The following TMEM64 variants were observed in gnomAD, a reference collection of about 807,000 sequenced individuals.
TMEM64 encodes the protein transmembrane protein 64.
Under a neutral mutation model 24.5 loss-of-function variants are expected in TMEM64, and 19 were observed. The observed-to-expected ratio is 0.78, with a 90% CI of 0.54 to 1.14. TMEM64 has a LOEUF of 1.14. Among genes scored for constraint, TMEM64 ranks in the 50% most tolerant of loss-of-function variants. The probability of loss-of-function intolerance (pLI) is 0.00; values close to 1 mark genes in which losing one functional copy is unlikely to be tolerated. For synonymous variants in TMEM64, 262 were observed against 224.7 expected (o/e 1.17, Z -1.49); for missense variants, 487 against 493.0 (o/e 0.99, Z 0.12).
intron 1 of TMEM64, among the ~76,000 whole-genome samples, chr8:90,636,237 C>T (rs1352203503): frequency 6.6e-6 from 1 of 152,150 alleles, no homozygotes; most frequent in Non-Finnish European, 1.5e-5. Flanking sequence ...ACAGCTTCCT[C>T]CAAACTATTT....
In TMEM64 at chr8:90,625,763, G is replaced by A; in HGVS notation, c.1051C>T (p.Leu351=). Residue 351 remains leucine (L), a synonymous_variant, in exon 3 of 3, where the codon CTG becomes TTG. Coordinates refer to ENST00000458549, the MANE Select transcript of TMEM64 (RefSeq NM_001008495.4). ...VACEMELKSS[L]VKGNQPNTSG... is the part of the protein sequence containing the mutation. The stretch of plus-strand genomic sequence containing the variant: ...GTATTTGGTTGATTGCCTTTAACCA[G>A]AGAAGATTTCAGTTCCATTTCACAA... 1.2e-6 allele frequency: 2 copies of A among 1,613,892 alleles called. No homozygotes were observed. The highest frequency in any genetic ancestry group is 1.7e-6 in the Non-Finnish European group (2 of 1,179,850).
At chr8:90,633,599 C>T (rs1307413922) in intron 1 of TMEM64, among the ~76,000 whole-genome samples, 2 of 152,164 alleles carry the variant, frequency 1.3e-5, no homozygotes, top group Non-Finnish European at 2.9e-5. Context: ...TAGTAAAAAA[C>T]TTATTTTCCA....
At chr8:90,639,834 T>C (rs569185056) in intron 1 of TMEM64, among the ~76,000 whole-genome samples, 2 of 152,204 alleles carry the variant, frequency 1.3e-5, no homozygotes, top group African/African-American at 2.4e-5. Flanking sequence ...AAACAAACAT[T>C]GTTAAAACAT....
chr8:90,632,602 G>A (rs1008205190), intron 1 of TMEM64, among the ~76,000 whole-genome samples: 1 of 152,214 alleles, frequency 6.6e-6, no homozygotes, highest in Non-Finnish European at 1.5e-5. Context: ...GATTATAGGC[G>A]TGAGCCAGCA....
Position 90,645,120 on chromosome 8 carries a change from T to G in TMEM64, c.786A>C (p.Ala262=). Reference sequence around the variant, plus strand: ...GCGGGACCCCACTTACCGAAAACACTGCATTCTGAAGCCCAAAAGGTATGG... The same window carrying G: ...GCGGGACCCCACTTACCGAAAACACGGCATTCTGAAGCCCAAAAGGTATGG... ...LTPIPFGLQN[A]VFSITDLSLP... The change falls in exon 1 of 3, where the codon GCA becomes GCC. Residue 262 remains alanine, a synonymous_variant. Transcript: ENST00000458549. The surrounding 1 kb of genome is among the most constrained non-coding windows in gnomAD (Gnocchi z 4.2). 1 of 1,605,304 alleles carries G rather than the reference T, an allele frequency of 6.2e-7. No individual in the cohort carries two copies.
rs1431616568 is a variant in TMEM64, at chr8:90,625,378, T to C, written c.*293A>G. On this transcript the variant is annotated 3_prime_UTR_variant, in exon 3 of 3. Transcript: ENST00000458549. ...ACACTAAGCAGAAATAATATTTGGGTTATTTCTCTGTTCGTAAATACACAG... is the reference window on the plus strand; with the variant it reads ...ACACTAAGCAGAAATAATATTTGGGCTATTTCTCTGTTCGTAAATACACAG... 3 of 235,960 alleles carry C rather than the reference T, an allele frequency of 1.3e-5. No homozygotes were observed. The highest frequency in any genetic ancestry group is 2.5e-5 in the Non-Finnish European group (3 of 122,200). 14.6% of individuals were successfully genotyped at this position (235,960 alleles called of 1,614,324 possible).
rs548832187 is a variant in TMEM64, at chr8:90,631,726, G to C, written c.796-19C>G. 1 of 1,598,910 alleles carries C rather than the reference G, an allele frequency of 6.3e-7. No homozygotes were observed. Among genetic ancestry groups the C allele is most frequent in the Non-Finnish European group, 8.6e-7 (1 of 1,168,304 alleles). ...CAGTAATCTAGAAGAGTAGATTAAA[G>C]GGAATGATTCATTACCAAGTAAAAT... is the stretch of plus-strand genomic sequence containing the variant. On this transcript the variant is annotated intron_variant, in intron 1 of 2. Transcript: ENST00000458549.
rs185791596 is a variant in TMEM64 at position 90,624,659 on chromosome 8, T to C, written c.*1012A>G. 4.6e-5 allele frequency: 7 copies of C among 152,612 alleles called. No homozygotes were observed. The highest frequency in any genetic ancestry group is 1.7e-4 in the African/African-American group (7 of 41,560). 9.5% of individuals were successfully genotyped at this position (152,612 alleles called of 1,614,324 possible). A position where few individuals can be genotyped will look rare whatever the true frequency, so the allele number is the denominator to read the frequency against. The stretch of plus-strand genomic sequence containing the variant: ...ACAAAATTTGGGCATATTTATAGTT[T>C]TAAAGCTGAAGACTATGGGAACAAT... On this transcript the variant is annotated 3_prime_UTR_variant, in exon 3 of 3. Transcript: ENST00000458549.
chr8:90,628,176 T>A (rs1156581652), intron 2 of TMEM64, among the ~76,000 whole-genome samples: 1 of 152,204 alleles, frequency 6.6e-6, no homozygotes, highest in Non-Finnish European at 1.5e-5. Flanking sequence ...AGTTTCCTTA[T>A]TAAAATGAAA....
Position 90,645,552 on chromosome 8 carries a change from ACAGGTGCTGCCGAGGCAGCAG to A in TMEM64, c.333_353del (p.Cys112_Cys118del). The A allele has an allele frequency of 1.9e-6, 3 of 1,547,212 alleles. No individual in the cohort carries two copies. Among genetic ancestry groups the A allele is most frequent in the Non-Finnish European group, 2.6e-6 (3 of 1,146,790 alleles). The stretch of plus-strand genomic sequence containing the variant: ...AGACCAGCACGAGGCTCCGGCACCA[ACAGGTGCTGCCGAGGCAGCAG>A]CAGCGCCAGTTTCTCACCTCAGCCA... On this transcript the variant is annotated inframe_deletion, in exon 1 of 3. Coordinates refer to ENST00000458549, the MANE Select transcript of TMEM64 (RefSeq NM_001008495.4). This position sits in a 1 kb window ranked among gnomAD's most constrained non-coding sequence, Gnocchi z 4.2.
Position 90,645,280 on chromosome 8 carries a change from G to A in TMEM64, c.626C>T (p.Ala209Val). 1 of 1,605,948 alleles carries A rather than the reference G, an allele frequency of 6.2e-7. No individual in the cohort carries two copies. The highest frequency in any genetic ancestry group is 1.3e-5 in the African/African-American group (1 of 74,876). ...GAGGAGCCGCTTGCAGACCACATGG[G>A]CGATGAAGGTGCCGATGAGGACGCC... ...MVGVLIGTFI[A>V]HVVCKRLLTA... Residue 209 changes from alanine to valine, a missense_variant, in exon 1 of 3, where the codon GCC becomes GTC. Physicochemically the swap from Ala to Val is moderately conservative, Grantham distance 64 (BLOSUM62 0). Transcript: ENST00000458549. The surrounding 1 kb of genome is among the most constrained non-coding windows in gnomAD (Gnocchi z 4.2).
chr8:90,644,453 A>T (rs1012585766), intron 1 of TMEM64, among the ~76,000 whole-genome samples: 1 of 152,168 alleles, frequency 6.6e-6, no homozygotes, highest in African/African-American at 2.4e-5. Flanking sequence ...AATGGTGCAG[A>T]TACAGAAGAA....
Position 90,645,680 on chromosome 8 carries a change from G to A in TMEM64, c.226C>T (p.Pro76Ser), listed in dbSNP as rs1274769883. The change falls in exon 1 of 3, where the codon CCC (proline) becomes TCC (serine). Residue 76 changes from proline to serine, a missense_variant. Pro to Ser is a moderately conservative substitution (Grantham distance 74). This residue lies in a region of TMEM64 where 419 missense variants were observed against 407.5 expected (regional missense o/e 1.03). Coordinates refer to ENST00000458549, the MANE Select transcript of TMEM64 (RefSeq NM_001008495.4). This position sits in a 1 kb window ranked among gnomAD's most constrained non-coding sequence, Gnocchi z 4.2. ...LGAYLERHGP[P>S]EASELPEPGG... is the part of the protein sequence containing the mutation. The stretch of plus-strand genomic sequence containing the variant: ...GGCTCCGGCAGCTCCGAAGCCTCGG[G>A]CGGACCGTGGCGCTCCAGATAGGCG... The A allele has an allele frequency of 8.8e-6, 13 of 1,482,380 alleles. No individual in the cohort carries two copies. The highest frequency in any genetic ancestry group is 2.7e-6 in the Non-Finnish European group (3 of 1,125,356). 91.8% of individuals were successfully genotyped at this position (1,482,380 alleles called of 1,614,324 possible).
chr8:90,637,141 A>G (rs1407623424), intron 1 of TMEM64, among the ~76,000 whole-genome samples: 1 of 152,196 alleles, frequency 6.6e-6, no homozygotes, highest in Non-Finnish European at 1.5e-5. Context: ...GAGGAAAAAA[A>G]ACTAATTCTG....
At position 90,624,708 on chromosome 8, in the gene TMEM64, A is replaced by T. The variant is rs1809328761; in HGVS notation, c.*963T>A. Reference sequence around the variant, plus strand: ...ATATATATGTACTTCATGAAATTATAAACATGTTTTTAAAGCTTGGTTTTT... The same window carrying T: ...ATATATATGTACTTCATGAAATTATTAACATGTTTTTAAAGCTTGGTTTTT... On this transcript the variant is annotated 3_prime_UTR_variant, in exon 3 of 3. Transcript: ENST00000458549. 1 of 152,544 alleles carries T rather than the reference A, an allele frequency of 6.6e-6. No homozygotes were observed. The highest frequency in any genetic ancestry group is 2.4e-5 in the African/African-American group (1 of 41,448). The allele number at this position is 152,544 out of a possible 1,614,324, so 9.4% of individuals were successfully genotyped here.
chr8:90,625,744 G>A lies in TMEM64; in HGVS notation c.1070C>T (p.Pro357Leu), dbSNP rs1232328488. The A allele has an allele frequency of 2.5e-6, 4 of 1,613,916 alleles. No homozygotes were observed. Among genetic ancestry groups the A allele is most frequent in the Middle Eastern group, 1.7e-4 (1 of 6,058 alleles). Residue 357 changes from proline to leucine, a missense_variant, in exon 3 of 3, where the codon CCA becomes CTA. Pro to Leu is a moderately conservative substitution (Grantham distance 98). This residue lies in a region of TMEM64 where 58 missense variants were observed against 58.2 expected (regional missense o/e 1.00). Coordinates refer to ENST00000458549, the MANE Select transcript of TMEM64 (RefSeq NM_001008495.4). ...LKSSLVKGNQ[P>L]NTSGSSFYNK... ...GTAGAATGAAGAGCCACTGGTATTT[G>A]GTTGATTGCCTTTAACCAGAGAAGA...
chr8:90,638,029 G>T (rs775790973), intron 1 of TMEM64, among the ~76,000 whole-genome samples: 7 of 152,022 alleles, frequency 4.6e-5, no homozygotes, highest in Non-Finnish European at 7.4e-5. Flanking sequence ...CTTCTCTGGG[G>T]AAATCTATCC....
intron 2 of TMEM64, among the ~76,000 whole-genome samples, chr8:90,631,059 C>G (rs767477153): frequency 6.6e-6 from 1 of 152,084 alleles, no homozygotes; most frequent in South Asian, 2.1e-4. Flanking sequence ...GACATTTTTA[C>G]GAGGTAATAC....
chr8:90,645,926 C>A lies in TMEM64; in HGVS notation c.-21G>T. ...CGCATGCCTCGGCCCAGCGCGGGCC[C>A]TCAGCCGGCCAGCCCCTCCGCCGCG... On this transcript the variant is annotated 5_prime_UTR_variant, in exon 1 of 3. It adds an upstream start codon to the 5' untranslated region. Coordinates refer to ENST00000458549, the MANE Select transcript of TMEM64 (RefSeq NM_001008495.4). This position sits in a 1 kb window ranked among gnomAD's most constrained non-coding sequence, Gnocchi z 4.2. 2.9e-5 allele frequency: 33 copies of A among 1,131,752 alleles called. No homozygotes were observed. Among genetic ancestry groups the A allele is most frequent in the Non-Finnish European group, 3.6e-5 (33 of 922,356 alleles). The allele number at this position is 1,131,752 out of a possible 1,614,324, so 70.1% of individuals were successfully genotyped here.
Sources: allele counts gnomAD v4.1 joint callset (sites outside exome capture counted in the v4.1 genomes callset), GRCh38; gene constraint gnomAD v4.1.1; regional missense constraint gnomAD v4.1.1; non-coding constraint Gnocchi (gnomAD v3.1); transcripts MANE v1.5; gene names NCBI Gene and HGNC (gene_info 2026-07-23, HGNC 2026-07-21).